Variants in KATNA1 observed in about 807,000 individuals in gnomAD.
KATNA1 encodes the protein katanin catalytic subunit A1.
Under a neutral mutation model 62.6 loss-of-function variants are expected in KATNA1, and 42 were observed. The ratio of observed to expected loss-of-function variants is 0.67; its 90% CI spans 0.52 to 0.87. The LOEUF (loss-of-function observed/expected upper bound fraction) is 0.87. Among genes scored for constraint, KATNA1 ranks in the 40% least tolerant of loss-of-function variants. The probability of loss-of-function intolerance (pLI) is 0.00; values close to 1 mark genes in which losing one functional copy is unlikely to be tolerated. For missense variants in KATNA1, 498 were observed against 612.5 expected, an observed-to-expected ratio of 0.81 and a Z score of 1.97; for synonymous variants, 186 against 201.9, an observed-to-expected ratio of 0.92 and a Z score of 0.67.
intron 7 of KATNA1, among the ~76,000 whole-genome samples, chr6:149,601,390 T>C (rs1778537437): frequency 6.6e-6 from 1 of 152,074 alleles, no homozygotes; most frequent in South Asian, 2.1e-4. Flanking sequence ...ACTGGTAGAT[T>C]TGGATCTACA....
chr6:149,621,126 T>C (rs989392468), intron 4 of KATNA1, among the ~76,000 whole-genome samples: 4 of 149,388 alleles, frequency 2.7e-5, no homozygotes, highest in African/African-American at 7.4e-5. Context: ...ATGCCTTCTT[T>C]TTTTTTTTTT....
intron 10 of KATNA1, 68 bp from the exon 11 acceptor site, chr6:149,595,302 T>C (rs1202567214): frequency 1.6e-6 from 2 of 1,288,140 alleles, no homozygotes; most frequent in Non-Finnish European, 2.2e-6. Flanking sequence ...AACCTGTTAA[T>C]AGAAAAATTT....
intron 2 of KATNA1, among the ~76,000 whole-genome samples, chr6:149,635,187 G>C (rs1256355397): frequency 6.6e-6 from 1 of 152,038 alleles, no homozygotes; most frequent in Non-Finnish European, 1.5e-5. Flanking sequence ...CTGGGTGGGA[G>C]GATTGCTTGA....
chr6:149,634,283 A>ATAAC (rs1779979890), intron 2 of KATNA1, among the ~76,000 whole-genome samples: 3 of 147,948 alleles, frequency 2.0e-5, no homozygotes, highest in African/African-American at 7.6e-5. Context: ...AAAAAAATAA[A>ATAAC]ATAAAATAAA....
At chr6:149,608,491 C>T (rs939582173) in intron 4 of KATNA1, among the ~76,000 whole-genome samples, 1 of 152,136 alleles carries the variant, frequency 6.6e-6, no homozygotes, top group South Asian at 2.1e-4. Context: ...CAGTAACACT[C>T]TACTCCAGTC....
intron 3 of KATNA1, among the ~76,000 whole-genome samples, chr6:149,629,444 C>T (rs1426945563): frequency 6.6e-6 from 1 of 152,062 alleles, no homozygotes; most frequent in Non-Finnish European, 1.5e-5. Flanking sequence ...CTTGGACTTC[C>T]CGGCCTCCAG....
intron 4 of KATNA1, among the ~76,000 whole-genome samples, chr6:149,610,444 C>T (rs962295527): frequency 1.3e-5 from 2 of 151,944 alleles, no homozygotes; most frequent in South Asian, 2.1e-4. Flanking sequence ...CAAAACAGAC[C>T]ATATCTTAAG....
intron 4 of KATNA1, among the ~76,000 whole-genome samples, chr6:149,614,597 C>A (rs768580223): frequency 6.6e-6 from 1 of 151,950 alleles, no homozygotes; most frequent in African/African-American, 2.4e-5. Flanking sequence ...TGCAGTGAGA[C>A]CCTGTCTCTA....
rs141033986 is a variant in KATNA1, at chr6:149,601,714, C to T, written c.768G>A (p.Thr256=). The change falls in exon 7 of 11, where the codon ACG becomes ACA. Residue 256 remains threonine (T), a synonymous_variant. Transcript: ENST00000367411. The stretch of plus-strand genomic sequence containing the variant: ...CTGTAGCTACTGCTTTAGCAAGGAG[C>T]GTCTTCCCCGTGCCAGGTGGGCCGA... The part of the protein sequence containing the change: ...LMVGPPGTGK[T]LLAKAVATEC... 6.6e-3 allele frequency: 10,615 copies of T among 1,609,788 alleles called. 73 individuals are homozygous for T. The highest frequency in any genetic ancestry group is 0.012 in the South Asian group (1,119 of 90,244).
Position 149,623,256 on chromosome 6 carries a change from T to C in KATNA1, c.348A>G (p.Gln116=), listed in dbSNP as rs151238304. 23 of 1,600,618 alleles carry C rather than the reference T, an allele frequency of 1.4e-5. No homozygotes were observed. Among genetic ancestry groups the C allele is most frequent in the African/African-American group, 9.4e-5 (7 of 74,288 alleles). ...ATTTAGGGTCACTGTACTGAGAAGA[T>C]TGGCGTTTTCTAGGTCCTGGTGAGG... ...RRPSPGPRKR[Q]SSQYSDPKSH... The change falls in exon 4 of 11, where the codon CAA becomes CAG. Residue 116 remains glutamine, a synonymous_variant. Transcript: ENST00000367411.
chr6:149,615,703 G>C (rs1413009730), intron 4 of KATNA1, among the ~76,000 whole-genome samples: 1 of 152,074 alleles, frequency 6.6e-6, no homozygotes, highest in Non-Finnish European at 1.5e-5. Flanking sequence ...CGGATCACTG[G>C]AACTCAGGAG....
intron 4 of KATNA1, among the ~76,000 whole-genome samples, chr6:149,620,397 T>A (rs544682251): frequency 8.5e-5 from 13 of 152,220 alleles, no homozygotes; most frequent in Admixed American, 8.5e-4. Context: ...GCTCAAGCAA[T>A]CCTCCTGCAT....
intron 10 of KATNA1, 27 bp from the exon 11 acceptor site, chr6:149,595,261 AAC>A: frequency 6.3e-7 from 1 of 1,578,460 alleles, no homozygotes; most frequent in African/African-American, 1.3e-5. Flanking sequence ...AAACAACAAC[AAC>A]ACACACAATG....
intron 4 of KATNA1, among the ~76,000 whole-genome samples, chr6:149,607,364 C>G (rs1224732874): frequency 6.6e-6 from 1 of 152,182 alleles, no homozygotes; most frequent in Non-Finnish European, 1.5e-5. Context: ...GCCTATAATT[C>G]TAGCACTTAG....
chr6:149,610,099 C>CAAA (rs958933815), intron 4 of KATNA1, among the ~76,000 whole-genome samples: 5 of 50,180 alleles, frequency 1.0e-4, no homozygotes, highest in African/African-American at 2.3e-4. Context: ...AACTCCGTCT[C>CAAA]AAAAAAAAAA....
chr6:149,632,859 C>T lies in KATNA1; in HGVS notation c.220G>A (p.Glu74Lys). ...GGAGTGCTGTCCAGTTTAAAGCTCT[C>T]TAGTGTTTTCATGATATCTTTAACA... ...KHVKDIMKTL[E>K]SFKLDSTPLK... The change falls in exon 3 of 11, where the codon GAG becomes AAG. Residue 74 changes from glutamate to lysine, a missense_variant. By Grantham distance (56) the Glu-to-Lys change is moderately conservative (BLOSUM62 1). This residue lies in a region of KATNA1 where 203 missense variants were observed against 198.4 expected (regional missense o/e 1.02). Transcript: ENST00000367411. 1 of 1,612,958 alleles carries T rather than the reference C, an allele frequency of 6.2e-7. No homozygotes were observed. The highest frequency in any genetic ancestry group is 8.5e-7 in the Non-Finnish European group (1 of 1,179,644).
chr6:149,632,871 T>C lies in KATNA1; in HGVS notation c.208A>G (p.Met70Val), dbSNP rs1345026758. The C allele has an allele frequency of 5.0e-6, 8 of 1,612,412 alleles. No individual in the cohort carries two copies. In the Admixed American group the frequency reaches 1.3e-4, roughly 27 times the overall value. ...AGTTTAAAGCTCTCTAGTGTTTTCA[T>C]GATATCTTTAACATGTTTAGCTTCC... ...NVEAKHVKDI[M>V]KTLESFKLDS... Residue 70 changes from methionine to valine, a missense_variant, in exon 3 of 11, where the codon ATG becomes GTG. Transcript: ENST00000367411.
chr6:149,642,673 A>T (rs1229214833), intron 1 of KATNA1, among the ~76,000 whole-genome samples: 1 of 152,250 alleles, frequency 6.6e-6, no homozygotes, highest in East Asian at 1.9e-4. Flanking sequence ...AAGGTCTCAG[A>T]CATAGAACAA....
chr6:149,614,324 C>T (rs1779080932), intron 4 of KATNA1, among the ~76,000 whole-genome samples: 2 of 152,318 alleles, frequency 1.3e-5, no homozygotes, highest in Admixed American at 6.5e-5. Context: ...TTGTTGCAAG[C>T]CCTTCCCCTT....
Sources: allele counts gnomAD v4.1 joint callset (sites outside exome capture counted in the v4.1 genomes callset), GRCh38; gene constraint gnomAD v4.1.1; regional missense constraint gnomAD v4.1.1; transcripts MANE v1.5; gene names NCBI Gene and HGNC (gene_info 2026-07-23, HGNC 2026-07-21).